FARP1: variants seen among roughly 807,000 people sequenced by gnomAD.
FARP1 encodes the protein FERM, ARHGEF and pleckstrin domain-containing protein 1.
Under a neutral mutation model 128.8 loss-of-function variants are expected in FARP1, and 52 were observed. That is an observed-to-expected ratio of 0.40 (90% CI 0.32 to 0.51). The LOEUF (loss-of-function observed/expected upper bound fraction) is 0.51. Among genes scored for constraint, FARP1 ranks in the 20% least tolerant of loss-of-function variants. The pLI, the probability that FARP1 is intolerant of heterozygous loss-of-function variation, is 0.45. For missense variants in FARP1, 1,333 were observed against 1,367.9 expected, an observed-to-expected ratio of 0.97 and a Z score of 0.40; for synonymous variants, 580 against 551.8, an observed-to-expected ratio of 1.05 and a Z score of -0.72.
At chr13:98,388,594 G>A (rs1047500753) in intron 9 of FARP1, 116 bp downstream of exon 9, 5 of 761,850 alleles carry the variant, frequency 6.6e-6, no homozygotes, top group Admixed American at 4.2e-5. Flanking sequence ...GTGCTACCCA[G>A]GTGCTTTTGT....
At chr13:98,214,911 C>T (rs189896890) in intron 2 of FARP1, among the ~76,000 whole-genome samples, 93 of 152,308 alleles carry the variant, frequency 6.1e-4, no homozygotes, top group African/African-American at 2.1e-3. Context: ...TCTTTGTTGC[C>T]AGACTGGTTC....
intron 1 of FARP1, among the ~76,000 whole-genome samples, chr13:98,161,665 C>T (rs1876896131): frequency 6.6e-6 from 1 of 152,068 alleles, no homozygotes; most frequent in African/African-American, 2.4e-5. Context: ...TATTGTGTGG[C>T]GATTTCCCAG....
At chr13:98,214,051 C>A (rs1594279398) in intron 2 of FARP1, among the ~76,000 whole-genome samples, 1 of 152,278 alleles carries the variant, frequency 6.6e-6, no homozygotes, top group East Asian at 1.9e-4. Context: ...AGCCTGGGGG[C>A]CGGAGGTGTC....
intron 17 of FARP1, among the ~76,000 whole-genome samples, chr13:98,429,298 G>A (rs374761275): frequency 6.6e-5 from 10 of 152,338 alleles, no homozygotes; most frequent in East Asian, 3.9e-4. Flanking sequence ...GGGTGCGAGA[G>A]TGTGCCGCAT....
chr13:98,194,902 C>G (rs933405165), intron 1 of FARP1, among the ~76,000 whole-genome samples: 1 of 152,170 alleles, frequency 6.6e-6, no homozygotes, highest in African/African-American at 2.4e-5. Flanking sequence ...AAATTAAACA[C>G]TGTCTGATTT....
At chr13:98,337,972 C>T (rs1227879831) in intron 2 of FARP1, among the ~76,000 whole-genome samples, 2 of 152,192 alleles carry the variant, frequency 1.3e-5, no homozygotes, top group Non-Finnish European at 2.9e-5. Context: ...TAATATTTTT[C>T]GAAGATCTCA....
intron 2 of FARP1, among the ~76,000 whole-genome samples, chr13:98,340,537 G>T (rs1357191347): frequency 6.6e-6 from 1 of 152,034 alleles, no homozygotes; most frequent in African/African-American, 2.4e-5. Flanking sequence ...TAGAGATGGG[G>T]TTTCACCATG....
chr13:98,261,518 CTT>C (rs11407005), intron 2 of FARP1, among the ~76,000 whole-genome samples: 44 of 139,742 alleles, frequency 3.1e-4, no homozygotes, highest in Admixed American at 3.6e-4. Flanking sequence ...TGTCTGTGTA[CTT>C]TTTTTTTTTT....
intron 2 of FARP1, among the ~76,000 whole-genome samples, chr13:98,282,680 G>A (rs1378805653): frequency 6.6e-6 from 1 of 152,102 alleles, no homozygotes; most frequent in African/African-American, 2.4e-5. Flanking sequence ...CGAGGCAGGC[G>A]GATCACAAAG....
chr13:98,152,024 C>A (rs1450524645), intron 1 of FARP1, among the ~76,000 whole-genome samples: 10 of 152,108 alleles, frequency 6.6e-5, no homozygotes, highest in Non-Finnish European at 1.5e-5. Flanking sequence ...CTCAAGGGGA[C>A]ATTTAAGAGT....
At chr13:98,280,416 G>A (rs1884877012) in intron 2 of FARP1, among the ~76,000 whole-genome samples, 1 of 152,132 alleles carries the variant, frequency 6.6e-6, no homozygotes, top group South Asian at 2.1e-4. Flanking sequence ...CTTCATCCCA[G>A]GCTCACTCTT....
chr13:98,290,439 A>G (rs1249878710), intron 2 of FARP1, among the ~76,000 whole-genome samples: 1 of 151,960 alleles, frequency 6.6e-6, no homozygotes, highest in Non-Finnish European at 1.5e-5. Flanking sequence ...TTAGAGAGCA[A>G]AAAGAGAACG....
intron 1 of FARP1, among the ~76,000 whole-genome samples, chr13:98,181,927 AG>A (rs1294789037): frequency 6.6e-6 from 1 of 152,218 alleles, no homozygotes; most frequent in Non-Finnish European, 1.5e-5. Context: ...AAGAAACTAA[AG>A]CAAGATAGAA....
At chr13:98,418,226 T>G (rs753134158) in intron 16 of FARP1, among the ~76,000 whole-genome samples, 1 of 152,106 alleles carries the variant, frequency 6.6e-6, no homozygotes, top group Non-Finnish European at 1.5e-5. Flanking sequence ...TGTTTCCTTT[T>G]TAAGCATGAG....
chr13:98,331,214 T>C (rs549001858), intron 2 of FARP1, among the ~76,000 whole-genome samples: 23 of 152,330 alleles, frequency 1.5e-4, no homozygotes, highest in Middle Eastern at 3.4e-3. Flanking sequence ...ACTGTCAGCA[T>C]TGTTGGATAT....
At chr13:98,270,921 AGATGCCACCCTCT>A (rs1425664380) in intron 2 of FARP1, among the ~76,000 whole-genome samples, 7 of 152,216 alleles carry the variant, frequency 4.6e-5, no homozygotes, top group Non-Finnish European at 1.0e-4. Context: ...GTACGAGTCT[AGATGCCACCCTCT>A]GAGCCATCGT....
chr13:98,209,451 C>T (rs1352676643), intron 1 of FARP1, among the ~76,000 whole-genome samples: 1 of 144,252 alleles, frequency 6.9e-6, no homozygotes, highest in East Asian at 2.0e-4. Context: ...GATCAGGAGA[C>T]AGACTATCTG....
chr13:98,197,466 CA>C (rs981101245), intron 1 of FARP1, among the ~76,000 whole-genome samples: 1 of 150,606 alleles, frequency 6.6e-6, no homozygotes, highest in Non-Finnish European at 1.5e-5. Flanking sequence ...AACTCCATCT[CA>C]AAAAAAAGAA....
At chr13:98,343,723 G>C (rs756970315) in intron 2 of FARP1, 39 bp from the exon 3 acceptor site, 5 of 1,393,016 alleles carry the variant, frequency 3.6e-6, no homozygotes, top group Non-Finnish European at 5.1e-6. Context: ...TTTCATCCGT[G>C]CCTGCCTCAG....
Sources: gnomAD v4.1 joint callset for allele counts (sites outside exome capture counted in the v4.1 genomes callset) on GRCh38, gnomAD v4.1.1 for gene constraint, MANE v1.5 for transcripts, NCBI Gene and HGNC (gene_info 2026-07-23, HGNC 2026-07-21) for gene names.